Variants in KCNMA1 observed in about 807,000 individuals in gnomAD.
KCNMA1 encodes potassium calcium-activated channel subfamily M alpha 1.
Under a neutral mutation model 140.0 loss-of-function variants are expected in KCNMA1, and 29 were observed. The ratio of observed to expected loss-of-function variants is 0.21; its 90% CI spans 0.15 to 0.28. KCNMA1 has a LOEUF of 0.28. Among genes scored for constraint, KCNMA1 ranks in the 10% least tolerant of loss-of-function variants. KCNMA1 has a pLI of 1.00. For synonymous variants in KCNMA1, 612 were observed against 611.9 expected (o/e 1.00, Z 0.00); for missense variants, 880 against 1,602.2 (o/e 0.55, Z 7.70).
intron 2 of KCNMA1, among the ~76,000 whole-genome samples, chr10:77,352,630 GTGTGTGTGTGTGTGTGTGTT>G (rs992695747): frequency 4.0e-5 from 6 of 151,558 alleles, no homozygotes; most frequent in Non-Finnish European, 5.9e-5. Context: ...GGGTGTGTGT[GTGTGTGTGTGTGTGTGTGTT>G]TGTGTGTGTG....
chr10:77,374,259 C>T (rs1408194038), intron 2 of KCNMA1, among the ~76,000 whole-genome samples: 2 of 152,108 alleles, frequency 1.3e-5, no homozygotes, highest in Non-Finnish European at 2.9e-5. Context: ...CCTCCCTTCC[C>T]GAACATGTGG....
chr10:77,203,936 G>T (rs1183987959), intron 3 of KCNMA1, among the ~76,000 whole-genome samples: 1 of 151,532 alleles, frequency 6.6e-6, no homozygotes, highest in Non-Finnish European at 1.5e-5. Context: ...ATCTCTAATA[G>T]AATACAAAAA....
intron 1 of KCNMA1, among the ~76,000 whole-genome samples, chr10:77,454,221 A>T (rs558295931): frequency 4.3e-4 from 66 of 151,726 alleles, no homozygotes; most frequent in Non-Finnish European, 9.0e-4. Context: ...CCATCAAAAG[A>T]CTCCCCACTT....
chr10:76,978,642 T>C (rs1006890939), intron 19 of KCNMA1: 1 of 152,204 alleles, frequency 6.6e-6, no homozygotes, highest in African/African-American at 2.4e-5. Context: ...ATGGAGCCTG[T>C]AAAGGAACTC....
At chr10:77,473,016 T>C (rs1441014877) in intron 1 of KCNMA1, among the ~76,000 whole-genome samples, 3 of 152,250 alleles carry the variant, frequency 2.0e-5, no homozygotes. Flanking sequence ...ACCAGGGTGC[T>C]GTACCCTAAC....
At chr10:77,459,274 G>C (rs2097813302) in intron 1 of KCNMA1, among the ~76,000 whole-genome samples, 2 of 152,196 alleles carry the variant, frequency 1.3e-5, no homozygotes, top group South Asian at 4.1e-4. Context: ...CAGGCATTTT[G>C]ACAGCTTCTT....
chr10:77,138,234 A>G (rs78392925), intron 5 of KCNMA1, among the ~76,000 whole-genome samples: 2 of 152,150 alleles, frequency 1.3e-5, no homozygotes, highest in African/African-American at 4.8e-5. Flanking sequence ...AACAAATAGG[A>G]CTTACTCACT....
chr10:77,300,897 T>C (rs966609246), intron 2 of KCNMA1, among the ~76,000 whole-genome samples: 25 of 152,322 alleles, frequency 1.6e-4, no homozygotes, highest in Admixed American at 6.5e-5. Flanking sequence ...GAGCCCGAGC[T>C]GCTCACAGAA....
intron 27 of KCNMA1, chr10:76,887,884 G>A (rs753272119): frequency 7.8e-5 from 24 of 307,560 alleles, no homozygotes; most frequent in Middle Eastern, 2.2e-3. Context: ...ATAATTTTCG[G>A]ACAATCCCAG....
intron 9 of KCNMA1, among the ~76,000 whole-genome samples, chr10:77,100,721 C>T (rs1224965734): frequency 6.6e-6 from 1 of 152,156 alleles, no homozygotes; most frequent in Non-Finnish European, 1.5e-5. Context: ...AGACAGAAAA[C>T]AGGGGGCAAC....
chr10:77,516,135 T>G (rs1013965004), intron 1 of KCNMA1, among the ~76,000 whole-genome samples: 1 of 152,116 alleles, frequency 6.6e-6, no homozygotes, highest in African/African-American at 2.4e-5. Context: ...GATCACAGTC[T>G]CTTGGGTCTG....
intron 1 of KCNMA1, among the ~76,000 whole-genome samples, chr10:77,418,563 G>A (rs1369918255): frequency 6.6e-6 from 1 of 152,042 alleles, no homozygotes; most frequent in Non-Finnish European, 1.5e-5. Flanking sequence ...CCTACACCCA[G>A]GGGCATCCAC....
chr10:76,988,546 C>G (rs568229241), intron 19 of KCNMA1, among the ~76,000 whole-genome samples: 13 of 152,056 alleles, frequency 8.5e-5, no homozygotes, highest in African/African-American at 2.9e-4. Context: ...ACAATAACAA[C>G]AGAAAAAGAT....
intron 2 of KCNMA1, among the ~76,000 whole-genome samples, chr10:77,362,365 C>CCA (rs138917552): frequency 0.083 from 9,905 of 119,004 alleles, 1,139 homozygotes; most frequent in African/African-American, 0.26. Context: ...CCCCCCCACC[C>CCA]CACACACACA....
Position 76,885,599 on chromosome 10 carries a change from T to C in KCNMA1, c.*1667A>G, listed in dbSNP as rs201993281. 3 of 985,294 alleles carry C rather than the reference T, an allele frequency of 3.0e-6. No individual in the cohort carries two copies. Among genetic ancestry groups the C allele is most frequent in the East Asian group, 2.3e-4 (2 of 8,816 alleles). The allele number at this position is 985,294 out of a possible 1,614,324, so 61.0% of individuals were successfully genotyped here. A position where few individuals can be genotyped will look rare whatever the true frequency, so the allele number is the denominator to read the frequency against. On this transcript the variant is annotated 3_prime_UTR_variant, in exon 28 of 28. Coordinates refer to ENST00000286628, the MANE Select transcript of KCNMA1 (RefSeq NM_001161352.2). The stretch of plus-strand genomic sequence containing the variant: ...TTTTAGAGATGGTACAGCTGTGACA[T>C]GTTTTCCTCCTCCCTTTTACCCCTA...
At chr10:77,562,369 C>T (rs1193088523) in intron 1 of KCNMA1, among the ~76,000 whole-genome samples, 1 of 152,308 alleles carries the variant, frequency 6.6e-6, no homozygotes, top group Middle Eastern at 3.4e-3. Flanking sequence ...GAATTAACAT[C>T]CAAAGCGGTC....
At chr10:77,472,345 CACAT>C (rs1424817765) in intron 1 of KCNMA1, among the ~76,000 whole-genome samples, 1 of 151,064 alleles carries the variant, frequency 6.6e-6, no homozygotes. Flanking sequence ...ATCACATATA[CACAT>C]ACACACACCA....
intron 4 of KCNMA1, 26 bp downstream of exon 4, chr10:77,184,797 T>A: frequency 1.4e-6 from 2 of 1,394,062 alleles, no homozygotes; most frequent in Admixed American, 1.7e-5. Context: ...CCCATTGTGA[T>A]ACTGAACAAT....
chr10:76,907,195 G>T (rs1286785268), intron 25 of KCNMA1, among the ~76,000 whole-genome samples: 1 of 152,152 alleles, frequency 6.6e-6, no homozygotes, highest in Non-Finnish European at 1.5e-5. Context: ...CCATACTATT[G>T]CATCCAAACA....
Sources: allele counts gnomAD v4.1 joint callset (sites outside exome capture counted in the v4.1 genomes callset), GRCh38; gene constraint gnomAD v4.1.1; transcripts MANE v1.5; gene names NCBI Gene and HGNC (gene_info 2026-07-23, HGNC 2026-07-21).